The following ESYT3 variants were observed in gnomAD, a reference collection of about 807,000 sequenced individuals.
ESYT3 encodes extended synaptotagmin-3.
Under a neutral mutation model 111.5 loss-of-function variants are expected in ESYT3, and 101 were observed. That is an observed-to-expected ratio of 0.91 (90% CI 0.77 to 1.07). ESYT3 has a LOEUF of 1.07. Among genes scored for constraint, ESYT3 ranks in the 50% least tolerant of loss-of-function variants. ESYT3 has a pLI of 0.00. For missense variants in ESYT3, 1,097 were observed against 1,109.4 expected, an observed-to-expected ratio of 0.99 and a Z score of 0.16; for synonymous variants, 416 against 446.8, an observed-to-expected ratio of 0.93 and a Z score of 0.87.
intron 20 of ESYT3, among the ~76,000 whole-genome samples, chr3:138,475,280 G>A (rs189315065): frequency 1.9e-4 from 29 of 152,266 alleles, no homozygotes; most frequent in South Asian, 8.3e-4. Flanking sequence ...TAGCTACTAC[G>A]TGGCTAAGGG....
At chr3:138,475,666 G>A (rs2033445181) in intron 20 of ESYT3, among the ~76,000 whole-genome samples, 2 of 152,192 alleles carry the variant, frequency 1.3e-5, no homozygotes, top group Admixed American at 6.5e-5. Context: ...GGTGGCTCAC[G>A]CCTGTAATCC....
At position 138,465,785 on chromosome 3, in the gene ESYT3, G is replaced by C. The variant is rs73864580; in HGVS notation, c.1169+364G>C. Reference sequence around the variant, plus strand: ...CAAGGAACCCTGGGCCATGCTCTAGGGGGTAGAACCCAGCCCTTCAGGGGT... The same window carrying C: ...CAAGGAACCCTGGGCCATGCTCTAGCGGGTAGAACCCAGCCCTTCAGGGGT... On this transcript the variant is annotated intron_variant, in intron 10 of 22. Coordinates refer to ENST00000389567, the MANE Select transcript of ESYT3 (RefSeq NM_031913.5). 5.8e-3 allele frequency among the ~76,000 whole-genome samples: 883 copies of C among 152,290 alleles called. 9 individuals are homozygous for C. The highest frequency in any genetic ancestry group is 0.016 in the South Asian group (77 of 4,820).
downstream of ESYT3, chr3:138,480,390 A>AT (rs568950604): frequency 1.6e-3 from 191 of 122,570 alleles, 3 homozygotes; most frequent in African/African-American, 5.4e-3. Context: ...CTGTTCAACA[A>AT]TGTATTGCAG....
chr3:138,462,665 C>T (rs1200917686), intron 8 of ESYT3, among the ~76,000 whole-genome samples: 1 of 152,190 alleles, frequency 6.6e-6, no homozygotes, highest in African/African-American at 2.4e-5. Context: ...GTTTATCCTT[C>T]CATTTTATTG....
At chr3:138,472,325 T>C (rs1179627173) in intron 17 of ESYT3, 38 bp from the exon 18 acceptor site, 12 of 1,591,644 alleles carry the variant, frequency 7.5e-6, no homozygotes, top group Non-Finnish European at 1.0e-5. Flanking sequence ...GTGGAAGTGG[T>C]GACTCAGCTC....
chr3:138,450,240 T>C (rs779809805), intron 1 of ESYT3, among the ~76,000 whole-genome samples: 1 of 152,220 alleles, frequency 6.6e-6, no homozygotes, highest in Non-Finnish European at 1.5e-5. Context: ...GTCTCCTCTC[T>C]AGGCCCATGT....
rs1327487967 is a variant in ESYT3 at position 138,470,036 on chromosome 3, G to A, written c.1504-24G>A. 1.9e-6 allele frequency: 3 copies of A among 1,602,210 alleles called. No homozygotes were observed. In the East Asian group the frequency reaches 6.7e-5, roughly 36 times the overall value. On this transcript the variant is annotated intron_variant, in intron 15 of 22. Coordinates refer to ENST00000389567, the MANE Select transcript of ESYT3 (RefSeq NM_031913.5). Reference sequence around the variant, plus strand: ...GCTCTGCCCAACCTAACCCTTCAATGATCTCTCCCTCTTCTGTTCCCAGAC... The same window carrying A: ...GCTCTGCCCAACCTAACCCTTCAATAATCTCTCCCTCTTCTGTTCCCAGAC...
intron 2 of ESYT3, among the ~76,000 whole-genome samples, chr3:138,452,903 C>G (rs182989075): frequency 3.5e-3 from 540 of 152,294 alleles, no homozygotes; most frequent in African/African-American, 0.012. Flanking sequence ...CATTACCAGA[C>G]GTGTCATTGC....
intron 8 of ESYT3, among the ~76,000 whole-genome samples, chr3:138,462,964 T>G (rs1036879469): frequency 7.9e-5 from 12 of 151,924 alleles, no homozygotes; most frequent in African/African-American, 2.9e-4. Flanking sequence ...CACCTGTCCT[T>G]TGTTACTTAA....
At chr3:138,449,082 CTTT>C (rs398040196) in intron 1 of ESYT3, among the ~76,000 whole-genome samples, 2 of 113,128 alleles carry the variant, frequency 1.8e-5, no homozygotes, top group Admixed American at 8.7e-5. Context: ...CTTTCTTTTT[CTTT>C]TTTTTTTTTT....
At chr3:138,457,748 G>A (rs2032381068) in intron 4 of ESYT3, 104 bp downstream of exon 4, 8 of 1,129,740 alleles carry the variant, frequency 7.1e-6, no homozygotes, top group Admixed American at 5.6e-5. Flanking sequence ...CTTGGGATGT[G>A]GAACCCCTCA....
chr3:138,445,878 C>T (rs1045359690), intron 1 of ESYT3, among the ~76,000 whole-genome samples: 9 of 152,120 alleles, frequency 5.9e-5, no homozygotes, highest in African/African-American at 2.2e-4. Context: ...TTGAAATACA[C>T]AAGGAATAGG....
intron 10 of ESYT3, among the ~76,000 whole-genome samples, chr3:138,466,230 C>A (rs530010788): frequency 6.6e-6 from 1 of 152,232 alleles, no homozygotes; most frequent in Non-Finnish European, 1.5e-5. Context: ...CTGTTAACAC[C>A]GCTTATCTCA....
intron 1 of ESYT3, among the ~76,000 whole-genome samples, chr3:138,444,783 G>A (rs2031414587): frequency 6.6e-6 from 1 of 152,178 alleles, no homozygotes; most frequent in Non-Finnish European, 1.5e-5. Flanking sequence ...CTTTGTGGAA[G>A]AATTCCCTTT....
intron 14 of ESYT3, chr3:138,469,137 G>C (rs1270475850): frequency 1.7e-6 from 1 of 598,270 alleles, no homozygotes; most frequent in East Asian, 2.8e-5. Flanking sequence ...ACAGCTAAGA[G>C]GAGGAGCCAG....
At chr3:138,471,064 G>C (rs1443746016) in intron 17 of ESYT3, 38 bp downstream of exon 17, 1 of 1,575,302 alleles carries the variant, frequency 6.3e-7, no homozygotes, top group Non-Finnish European at 8.7e-7. Flanking sequence ...GGGAGGAATA[G>C]AGCTCTGGCA....
intron 10 of ESYT3, among the ~76,000 whole-genome samples, chr3:138,466,179 G>A (rs1422937111): frequency 6.6e-6 from 1 of 152,228 alleles, no homozygotes; most frequent in Non-Finnish European, 1.5e-5. Flanking sequence ...AACCTTGAAT[G>A]CGTATTTTTG....
At position 138,470,003 on chromosome 3, in the gene ESYT3, GGTATCCA is replaced by G. The variant is rs1237010212; in HGVS notation, c.1504-55_1504-49del. On this transcript the variant is annotated intron_variant, in intron 15 of 22. Coordinates refer to ENST00000389567, the MANE Select transcript of ESYT3 (RefSeq NM_031913.5). ...GGCCAGAGTGATAGCAGAGGGTGCC[GGTATCCA>G]GCTCTGCCCAACCTAACCCTTCAAT... The G allele has an allele frequency of 1.5e-4, 221 of 1,468,368 alleles. No individual in the cohort carries two copies. The African/African-American group carries it at 2.9e-3, about 19-fold the overall frequency. 91.0% of individuals were successfully genotyped at this position (1,468,368 alleles called of 1,614,324 possible).
intron 9 of ESYT3, 95 bp from the exon 10 acceptor site, chr3:138,465,244 A>G: frequency 1.2e-6 from 1 of 862,866 alleles, no homozygotes; most frequent in South Asian, 1.7e-5. Flanking sequence ...GGGGTCAGGA[A>G]CCTGCTAGCG....
Sources: gnomAD v4.1 joint callset for allele counts (sites outside exome capture counted in the v4.1 genomes callset) on GRCh38, gnomAD v4.1.1 for gene constraint, MANE v1.5 for transcripts, NCBI Gene and HGNC (gene_info 2026-07-23, HGNC 2026-07-21) for gene names.